Variants in DRC8 observed in about 807,000 individuals in gnomAD.
DRC8 encodes the protein dynein regulatory complex subunit 8.
chr1:245,092,224 C>T, the DRC8 span, among the ~76,000 whole-genome samples: 1 of 152,346 alleles, frequency 6.6e-6, no homozygotes, highest in South Asian at 2.1e-4. Context: ...CCTTTGCAGT[C>T]ACCCAGTGTC....
chr1:244,977,067 A>G, the DRC8 span, among the ~76,000 whole-genome samples: 1 of 152,204 alleles, frequency 6.6e-6, no homozygotes, highest in South Asian at 2.1e-4. Flanking sequence ...TTCCACTTAC[A>G]TGAGGTACCT....
chr1:244,970,162 T>C, the DRC8 span: 2 of 699,686 alleles, frequency 2.9e-6, no homozygotes, highest in Non-Finnish European at 5.2e-6. Flanking sequence ...GCCTCGGGTC[T>C]GGAGGGACAA....
the DRC8 span, chr1:245,087,242 G>T: frequency 6.2e-7 from 1 of 1,603,142 alleles, no homozygotes; most frequent in South Asian, 1.1e-5. Flanking sequence ...TTGTCTCTCT[G>T]AGGTGAGCCT....
the DRC8 span, among the ~76,000 whole-genome samples, chr1:245,120,082 A>G: frequency 6.6e-6 from 1 of 152,242 alleles, no homozygotes; most frequent in East Asian, 1.9e-4. Context: ...TAAAAAAAGA[A>G]ACTGACCTAA....
chr1:245,074,624 T>C, the DRC8 span, among the ~76,000 whole-genome samples: 6 of 152,236 alleles, frequency 3.9e-5, no homozygotes, highest in Non-Finnish European at 8.8e-5. Context: ...CATCTGTTTT[T>C]AACACTTGCA....
chr1:245,059,515 G>A, the DRC8 span: 15 of 1,435,414 alleles, frequency 1.0e-5, no homozygotes, highest in Admixed American at 4.2e-5. Context: ...GCTACTCCTT[G>A]TAATTAAAAA....
At chr1:244,970,552 C>T in the DRC8 span, 1 of 1,414,912 alleles carries the variant, frequency 7.1e-7, no homozygotes, top group Non-Finnish European at 9.3e-7. Flanking sequence ...AGTTCCCACC[C>T]GCAGGGAAAG....
At chr1:245,014,933 T>G in the DRC8 span, among the ~76,000 whole-genome samples, 3 of 152,206 alleles carry the variant, frequency 2.0e-5, no homozygotes, top group Non-Finnish European at 2.9e-5. Context: ...GAAGAAAGAT[T>G]GGAAGAAAAT....
At chr1:244,970,550 C>A in the DRC8 span, 1 of 1,420,054 alleles carries the variant, frequency 7.0e-7, no homozygotes, top group Non-Finnish European at 9.2e-7. Flanking sequence ...GGAGTTCCCA[C>A]CCGCAGGGAA....
chr1:245,099,425 C>T, the DRC8 span, among the ~76,000 whole-genome samples: 10 of 152,282 alleles, frequency 6.6e-5, no homozygotes, highest in East Asian at 3.9e-4. Flanking sequence ...CCAGTTTGCC[C>T]GCCAGCCAAC....
the DRC8 span, among the ~76,000 whole-genome samples, chr1:245,093,393 A>G: frequency 1.3e-5 from 2 of 152,032 alleles, no homozygotes; most frequent in African/African-American, 2.4e-5. Context: ...AGAAACTGTT[A>G]TTTTTCTTAA....
the DRC8 span, among the ~76,000 whole-genome samples, chr1:245,113,204 A>C: frequency 3.7e-4 from 56 of 152,340 alleles, no homozygotes; most frequent in Middle Eastern, 0.017. Flanking sequence ...CTAAGAGCTT[A>C]TCACCGTGTC....
chr1:245,056,147 T>C, the DRC8 span, among the ~76,000 whole-genome samples: 2 of 152,186 alleles, frequency 1.3e-5, no homozygotes, highest in African/African-American at 4.8e-5. Flanking sequence ...TGCCACCTGC[T>C]CTCCTCCAAG....
At chr1:244,976,183 T>C in the DRC8 span, among the ~76,000 whole-genome samples, 210 of 151,868 alleles carry the variant, frequency 1.4e-3, 1 homozygote, top group Non-Finnish European at 9.3e-4. Context: ...GCAGGAGAAT[T>C]GCTTGAACCT....
the DRC8 span, among the ~76,000 whole-genome samples, chr1:245,112,952 C>T: frequency 6.6e-6 from 1 of 152,098 alleles, no homozygotes; most frequent in African/African-American, 2.4e-5. Context: ...AGTGGTTTCA[C>T]CATGTTGGCC....
chr1:245,032,311 C>T, the DRC8 span, among the ~76,000 whole-genome samples: 49 of 152,202 alleles, frequency 3.2e-4, no homozygotes, highest in Non-Finnish European at 2.9e-5. Context: ...AGTAATGAAA[C>T]CAGTCCAGGA....
the DRC8 span, chr1:245,082,133 G>C: frequency 2.5e-6 from 4 of 1,612,778 alleles, no homozygotes; most frequent in Non-Finnish European, 3.4e-6. Context: ...AATTTCTTCC[G>C]GTGATGACAG....
chr1:245,107,392 T>C, the DRC8 span: 4 of 152,428 alleles, frequency 2.6e-5, no homozygotes, highest in Non-Finnish European at 4.4e-5. Flanking sequence ...ACTAAGTTAA[T>C]CTTTACAACT....
At chr1:245,074,174 T>C in the DRC8 span, among the ~76,000 whole-genome samples, 2 of 152,248 alleles carry the variant, frequency 1.3e-5, no homozygotes, top group Non-Finnish European at 2.9e-5. Flanking sequence ...TGTTCATCAG[T>C]ATATTCAGAT....
Sources: gnomAD v4.1 joint callset for allele counts (sites outside exome capture counted in the v4.1 genomes callset) on GRCh38, gnomAD v4.1.1 for gene constraint, MANE v1.5 for transcripts, NCBI Gene and HGNC (gene_info 2026-07-23, HGNC 2026-07-21) for gene names.